The following MGAT5 variants were observed in gnomAD, a reference collection of about 807,000 sequenced individuals.
MGAT5 encodes the protein alpha-1,6-mannosylglycoprotein 6-beta-N-acetylglucosaminyltransferase A.
MGAT5 carries 30 observed loss-of-function variants against 94.3 expected under a neutral mutation model. That is an observed-to-expected ratio of 0.32 (90% CI 0.24 to 0.43). The LOEUF is 0.43. Ranked by LOEUF, MGAT5 falls within the 20% of genes least tolerant of loss-of-function variation. The pLI is 1.00. For synonymous variants in MGAT5, 310 were observed against 322.9 expected (o/e 0.96, Z 0.43); for missense variants, 691 against 905.5 (o/e 0.76, Z 3.04).
intron 1 of MGAT5, among the ~76,000 whole-genome samples, chr2:134,143,452 G>T (rs1215949020): frequency 2.0e-5 from 3 of 152,226 alleles, no homozygotes; most frequent in Non-Finnish European, 2.9e-5. Flanking sequence ...GTAACAGGGA[G>T]CTTTGTTTTC....
In MGAT5 at chr2:134,448,686, G is replaced by A; in HGVS notation, c.2065G>A (p.Asp689Asn). 1 of 1,614,216 alleles carries A rather than the reference G, an allele frequency of 6.2e-7. No homozygotes were observed. Among genetic ancestry groups the A allele is most frequent in the Non-Finnish European group, 8.5e-7 (1 of 1,180,046 alleles). Reference sequence around the variant, plus strand: ...CTGCCAAAGCTCAGAGCTGGCCAAGGACATCCTGGTGCCCTCCTTTGACCC... The same window carrying A: ...CTGCCAAAGCTCAGAGCTGGCCAAGAACATCCTGGTGCCCTCCTTTGACCC... ...VTCQSSELAKDILVPSFDPKN... is the reference protein window; with the variant it reads ...VTCQSSELAKNILVPSFDPKN... The change falls in exon 16 of 16, where the codon GAC becomes AAC. Residue 689 changes from aspartate to asparagine, a missense_variant. Physicochemically the swap from Asp to Asn is conservative, Grantham distance 23. Transcript: ENST00000281923.
chr2:134,240,680 A>G (rs1358813677), intron 1 of MGAT5, among the ~76,000 whole-genome samples: 4 of 152,204 alleles, frequency 2.6e-5, no homozygotes, highest in Non-Finnish European at 4.4e-5. Flanking sequence ...TCCTCATGCT[A>G]TTTTCCCTGT....
chr2:134,145,214 C>CTCTGTG (rs373377770), intron 1 of MGAT5, among the ~76,000 whole-genome samples: 158 of 143,862 alleles, frequency 1.1e-3, no homozygotes, highest in African/African-American at 3.5e-3. Flanking sequence ...GTCTCTCTCT[C>CTCTGTG]TGTGTGTGTG....
intron 1 of MGAT5, among the ~76,000 whole-genome samples, chr2:134,208,225 A>T (rs551701463): frequency 6.6e-6 from 1 of 152,086 alleles, no homozygotes; most frequent in South Asian, 2.1e-4. Context: ...TATACTTGTT[A>T]CTTAACATAT....
intron 1 of MGAT5, among the ~76,000 whole-genome samples, chr2:134,246,190 A>T: frequency 7.2e-6 from 1 of 138,274 alleles, no homozygotes; most frequent in South Asian, 2.3e-4. Flanking sequence ...AAAAAAAAGG[A>T]CCCAGGTCCT....
Position 134,365,516 on chromosome 2 carries a change from G to A in MGAT5, c.1380+3108G>A, listed in dbSNP as rs535071382. On this transcript the variant is annotated intron_variant, in intron 10 of 15. Transcript: ENST00000281923. ...TCTGTGGCAGGAGGGCGAGGCGGAAGCCTTCCAGGAGTCCACATGATGAAG... is the reference window on the plus strand; with the variant it reads ...TCTGTGGCAGGAGGGCGAGGCGGAAACCTTCCAGGAGTCCACATGATGAAG... Among the ~76,000 whole-genome samples, 23 of 152,362 alleles carry A rather than the reference G, an allele frequency of 1.5e-4. No homozygotes were observed. In the South Asian group the frequency reaches 4.6e-3, roughly 30 times the overall value.
intron 10 of MGAT5, among the ~76,000 whole-genome samples, chr2:134,369,727 T>TTGTGTGTGTGTGTGTGTGTGTGTGTG (rs10526028): frequency 1.9e-3 from 269 of 142,254 alleles, no homozygotes; most frequent in African/African-American, 6.8e-3. Context: ...GGTTTTTACA[T>TTGTGTGTGTGTGTGTGTGTGTGTGTG]TGTGTGTGTG....
At chr2:134,442,994 G>T (rs1296303703) in intron 15 of MGAT5, among the ~76,000 whole-genome samples, 1 of 152,154 alleles carries the variant, frequency 6.6e-6, no homozygotes, top group South Asian at 2.1e-4. Flanking sequence ...CCCTGTTCAG[G>T]CTTCACGCCC....
At position 134,362,267 on chromosome 2, in the gene MGAT5, C is replaced by T; in HGVS notation, c.1247-8C>T. 6.2e-7 allele frequency: 1 copy of T among 1,611,782 alleles called. No individual in the cohort carries two copies. On this transcript the variant is annotated splice_region_variant and splice_polypyrimidine_tract_variant and intron_variant, in intron 9 of 15. Coordinates refer to ENST00000281923, the MANE Select transcript of MGAT5 (RefSeq NM_002410.5). Reference sequence around the variant, plus strand: ...ACTAACTGTCCTCTCCATTTCTTTGCACACCAGCTCATACCCCAGACAACA... The same window carrying T: ...ACTAACTGTCCTCTCCATTTCTTTGTACACCAGCTCATACCCCAGACAACA...
intron 2 of MGAT5, among the ~76,000 whole-genome samples, chr2:134,299,279 A>G (rs62167998): frequency 0.15 from 22,916 of 152,238 alleles, 1,868 homozygotes; most frequent in Middle Eastern, 0.37. Flanking sequence ...AACAAATTCC[A>G]ATTAGAGGAT....
chr2:134,407,311 G>T (rs985287140), intron 11 of MGAT5, among the ~76,000 whole-genome samples: 3 of 152,232 alleles, frequency 2.0e-5, no homozygotes, highest in Admixed American at 2.0e-4. Context: ...ATTGAAGCAG[G>T]TTTCATCCTA....
At chr2:134,177,689 G>A (rs1356521124) in intron 1 of MGAT5, among the ~76,000 whole-genome samples, 2 of 152,194 alleles carry the variant, frequency 1.3e-5, no homozygotes, top group African/African-American at 4.8e-5. Flanking sequence ...AAATTTTTAT[G>A]CACTGGAGTA....
At chr2:134,448,569 A>T (rs1685926331) in intron 15 of MGAT5, 80 bp from the exon 16 acceptor site, 1 of 1,335,070 alleles carries the variant, frequency 7.5e-7, no homozygotes, top group Non-Finnish European at 1.1e-6. Context: ...ATGCCTCAAG[A>T]TGGGGGCTCA....
At chr2:134,220,846 A>G (rs1359394758) in intron 1 of MGAT5, among the ~76,000 whole-genome samples, 1 of 152,108 alleles carries the variant, frequency 6.6e-6, no homozygotes, top group Non-Finnish European at 1.5e-5. Flanking sequence ...CTCATTGCTC[A>G]TTCTGATGGT....
At chr2:134,152,983 A>G (rs1687299133) in intron 1 of MGAT5, among the ~76,000 whole-genome samples, 1 of 146,530 alleles carries the variant, frequency 6.8e-6, no homozygotes, top group African/African-American at 2.6e-5. Flanking sequence ...GGCTCACTGC[A>G]ACCTCCACCT....
intron 1 of MGAT5, among the ~76,000 whole-genome samples, chr2:134,149,793 G>T (rs1427088979): frequency 6.6e-6 from 1 of 152,196 alleles, no homozygotes; most frequent in East Asian, 1.9e-4. Flanking sequence ...ACTAACAGCA[G>T]TGGAAAAGCC....
In MGAT5 at chr2:134,270,647, T is replaced by C. The variant is rs993492337; in HGVS notation, c.406+97T>C. ...GCAGTGGTTCTTACTGGAACCTGCA[T>C]AATATAAATTCTATAAACTTGGCAT... On this transcript the variant is annotated intron_variant, in intron 2 of 15. Transcript: ENST00000281923. The C allele has an allele frequency of 3.3e-6, 4 of 1,221,518 alleles. 1 individual carries two copies. Among genetic ancestry groups the C allele is most frequent in the Non-Finnish European group, 4.5e-6 (4 of 887,590 alleles). The allele number at this position is 1,221,518 out of a possible 1,614,324, so 75.7% of individuals were successfully genotyped here. A position where few individuals can be genotyped will look rare whatever the true frequency, so the allele number is the denominator to read the frequency against.
chr2:134,287,709 A>G (rs72976195), intron 2 of MGAT5, among the ~76,000 whole-genome samples: 2,665 of 152,274 alleles, frequency 0.018, 88 homozygotes, highest in African/African-American at 0.061. Flanking sequence ...TAGAGACCTC[A>G]CTTCCTTTTC....
intron 1 of MGAT5, among the ~76,000 whole-genome samples, chr2:134,186,602 T>G (rs1011950190): frequency 6.6e-6 from 1 of 152,216 alleles, no homozygotes; most frequent in African/African-American, 2.4e-5. Context: ...CTGAGTCTGA[T>G]GGATGATGTT....
Sources: gnomAD v4.1 joint callset for allele counts (sites outside exome capture counted in the v4.1 genomes callset) on GRCh38, gnomAD v4.1.1 for gene constraint, MANE v1.5 for transcripts, NCBI Gene and HGNC (gene_info 2026-07-23, HGNC 2026-07-21) for gene names.